The following KCNAB1 variants were observed in gnomAD, a reference collection of about 807,000 sequenced individuals.
KCNAB1 encodes the protein potassium voltage-gated channel subfamily A regulatory beta subunit 1, also known as voltage-gated potassium channel subunit beta-1.
Under a neutral mutation model 64.6 loss-of-function variants are expected in KCNAB1, and 35 were observed. The observed-to-expected ratio is 0.54, with a 90% confidence interval of 0.41 to 0.72. KCNAB1 has a LOEUF of 0.72. KCNAB1 is among the 30% of genes least tolerant of loss of function. KCNAB1 has a pLI of 0.00. For synonymous variants in KCNAB1, 177 were observed against 183.8 expected (o/e 0.96, Z 0.30); for missense variants, 401 against 512.9 (o/e 0.78, Z 2.11).
At chr3:156,150,238 G>A (rs535573582) in intron 1 of KCNAB1, among the ~76,000 whole-genome samples, 8 of 152,278 alleles carry the variant, frequency 5.3e-5, no homozygotes, top group African/African-American at 1.2e-4. Context: ...CAAACAGAAC[G>A]TGTTATTTCC....
chr3:156,207,036 T>A (rs1216448585), intron 1 of KCNAB1, among the ~76,000 whole-genome samples: 1 of 152,136 alleles, frequency 6.6e-6, no homozygotes, highest in African/African-American at 2.4e-5. Flanking sequence ...AAATAAAGTG[T>A]TAGATTTTGG....
chr3:156,247,336 T>C (rs1256708106), intron 1 of KCNAB1, among the ~76,000 whole-genome samples: 1 of 152,138 alleles, frequency 6.6e-6, no homozygotes. Context: ...CTGGACAAAA[T>C]AAATCACAAT....
chr3:156,380,332 G>T (rs191631623), intron 1 of KCNAB1, among the ~76,000 whole-genome samples: 154 of 152,256 alleles, frequency 1.0e-3, no homozygotes, highest in Admixed American at 3.7e-3. Flanking sequence ...TGCATGTTTT[G>T]TTCTATACAA....
chr3:156,170,493 C>T (rs895921725), intron 1 of KCNAB1, among the ~76,000 whole-genome samples: 1 of 152,134 alleles, frequency 6.6e-6, no homozygotes, highest in African/African-American at 2.4e-5. Context: ...GGCCGTGCTC[C>T]AGAAAGGGCA....
At chr3:156,210,027 C>T (rs1714916638) in intron 1 of KCNAB1, among the ~76,000 whole-genome samples, 1 of 152,190 alleles carries the variant, frequency 6.6e-6, no homozygotes, top group African/African-American at 2.4e-5. Context: ...GCCAGTTTCC[C>T]TGCTTCCCTG....
chr3:156,355,786 A>G (rs900439598), intron 1 of KCNAB1, among the ~76,000 whole-genome samples: 1 of 152,024 alleles, frequency 6.6e-6, no homozygotes, highest in Non-Finnish European at 1.5e-5. Context: ...CCATTATTTT[A>G]TTATTCTAAA....
intron 2 of KCNAB1, among the ~76,000 whole-genome samples, chr3:156,425,297 G>A (rs968741358): frequency 1.3e-5 from 2 of 152,204 alleles, no homozygotes; most frequent in African/African-American, 2.4e-5. Context: ...ACCAGAGAAG[G>A]GGCAGCCGGA....
intron 1 of KCNAB1, among the ~76,000 whole-genome samples, chr3:156,168,489 G>A (rs1022027817): frequency 6.6e-6 from 1 of 152,096 alleles, no homozygotes; most frequent in African/African-American, 2.4e-5. Context: ...AATACATGGT[G>A]ATTATTATTT....
chr3:156,390,479 T>G (rs1034948047), intron 1 of KCNAB1, among the ~76,000 whole-genome samples: 8 of 152,112 alleles, frequency 5.3e-5, no homozygotes, highest in African/African-American at 1.9e-4. Flanking sequence ...GGAGGGAAAG[T>G]GTTTGAACTC....
At chr3:156,234,818 T>A (rs1716756299) in intron 1 of KCNAB1, among the ~76,000 whole-genome samples, 1 of 152,192 alleles carries the variant, frequency 6.6e-6, no homozygotes, top group Non-Finnish European at 1.5e-5. Flanking sequence ...TGTTTCTCCC[T>A]GAAAATAGAC....
intron 1 of KCNAB1, among the ~76,000 whole-genome samples, chr3:156,146,846 A>G (rs1715068428): frequency 6.6e-6 from 1 of 152,208 alleles, no homozygotes; most frequent in South Asian, 2.1e-4. Context: ...GGGCCATACA[A>G]AAACAGGTGG....
At chr3:156,491,838 TAGG>T (rs1048067233) in intron 8 of KCNAB1, among the ~76,000 whole-genome samples, 4 of 152,008 alleles carry the variant, frequency 2.6e-5, no homozygotes, top group Non-Finnish European at 4.4e-5. Flanking sequence ...GATGAAAAAA[TAGG>T]AGGTGATAAA....
Position 156,120,901 on chromosome 3 carries a change from C to T in KCNAB1, c.275+15C>T. ...ATGCCGCACAGGTAAGCTGCCCCTG[C>T]TCTGCGCGGGCTTTGGGAGACGCCG... On this transcript the variant is annotated intron_variant, in intron 1 of 13. Coordinates refer to ENST00000490337, the MANE Select transcript of KCNAB1 (RefSeq NM_172160.3). 1.2e-6 allele frequency: 2 copies of T among 1,611,906 alleles called. No homozygotes were observed. The highest frequency in any genetic ancestry group is 2.2e-5 in the South Asian group (2 of 91,032).
intron 1 of KCNAB1, among the ~76,000 whole-genome samples, chr3:156,286,722 C>T (rs1353925611): frequency 6.6e-6 from 1 of 152,156 alleles, no homozygotes; most frequent in African/African-American, 2.4e-5. Flanking sequence ...ATTTCTATCA[C>T]TTATAAAAAT....
In KCNAB1 at chr3:156,354,118, GTGTA is replaced by G. The variant is rs1443525579; in HGVS notation, c.276-67496_276-67493del. 3.7e-4 allele frequency among the ~76,000 whole-genome samples: 37 copies of G among 99,964 alleles called. No individual in the cohort carries two copies. In the South Asian group the frequency reaches 0.011, roughly 29 times the overall value. 65.6% of individuals were successfully genotyped at this position (99,964 alleles called of 152,430 possible). On this transcript the variant is annotated intron_variant, in intron 1 of 13. Transcript: ENST00000490337. ...ATAATATATGTATATATATGTGTGT[GTGTA>G]TATATATATATATATATATATGTGT...
At chr3:156,376,518 C>G (rs975420335) in intron 1 of KCNAB1, among the ~76,000 whole-genome samples, 4 of 152,068 alleles carry the variant, frequency 2.6e-5, no homozygotes, top group Non-Finnish European at 5.9e-5. Flanking sequence ...AAGCAAGGAC[C>G]AAAAGTCAAC....
intron 12 of KCNAB1, among the ~76,000 whole-genome samples, chr3:156,524,523 G>A (rs370196846): frequency 1.1e-4 from 17 of 152,180 alleles, no homozygotes; most frequent in African/African-American, 3.4e-4. Context: ...CAAGGTGGGC[G>A]GATCATGAGG....
chr3:156,220,033 C>A (rs1158139890), intron 1 of KCNAB1, among the ~76,000 whole-genome samples: 3 of 152,078 alleles, frequency 2.0e-5, no homozygotes, highest in African/African-American at 4.8e-5. Context: ...CATGTCCCTG[C>A]AAAGGACATG....
At chr3:156,216,535 G>A (rs531916422) in intron 1 of KCNAB1, among the ~76,000 whole-genome samples, 1 of 152,322 alleles carries the variant, frequency 6.6e-6, no homozygotes, top group African/African-American at 2.4e-5. Flanking sequence ...CTGGTCCTTA[G>A]GTTTTCCGCC....
Sources: allele counts gnomAD v4.1 joint callset (sites outside exome capture counted in the v4.1 genomes callset), GRCh38; gene constraint gnomAD v4.1.1; transcripts MANE v1.5; gene names NCBI Gene and HGNC (gene_info 2026-07-23, HGNC 2026-07-21).